SMARCA5: variants seen among roughly 807,000 people sequenced by gnomAD.
SMARCA5 encodes the protein SNF2 related chromatin remodeling ATPase 5.
In SMARCA5, 18 loss-of-function variants were observed where a neutral mutation model predicts 140.4. The observed-to-expected ratio is 0.13, with a 90% CI of 0.09 to 0.19. SMARCA5 has a LOEUF of 0.19. Among genes scored for constraint, SMARCA5 ranks in the 10% least tolerant of loss-of-function variants. SMARCA5 has a pLI of 1.00. For synonymous variants in SMARCA5, 449 were observed against 419.6 expected (o/e 1.07, Z -0.86); for missense variants, 606 against 1,276.8 (o/e 0.47, Z 8.01).
chr4:143,550,225 C>CA, intron 23 of SMARCA5, 121 bp downstream of exon 23: 1 of 214,664 alleles, frequency 4.7e-6, no homozygotes, highest in Non-Finnish European at 8.3e-6. Context: ...ATTGCCTTTA[C>CA]TTTTTTTTTT....
chr4:143,516,936 G>A (rs1028359242), intron 1 of SMARCA5, among the ~76,000 whole-genome samples: 4 of 152,110 alleles, frequency 2.6e-5, no homozygotes, highest in African/African-American at 9.7e-5. Flanking sequence ...GACTAATTCT[G>A]ATTTCTTTGT....
chr4:143,536,405 G>T, intron 10 of SMARCA5, 47 bp from the exon 11 acceptor site: 1 of 1,323,804 alleles, frequency 7.6e-7, no homozygotes, highest in South Asian at 1.2e-5. Context: ...GGCAGGGATT[G>T]ATCAAGGAAC....
intron 20 of SMARCA5, among the ~76,000 whole-genome samples, 169 bp downstream of exon 20, chr4:143,547,077 G>C (rs1737539549): frequency 6.6e-6 from 1 of 152,112 alleles, no homozygotes; most frequent in African/African-American, 2.4e-5. Flanking sequence ...ATGGCGTAAT[G>C]GTTTCCTTTT....
At chr4:143,541,234 G>A (rs1054327649) in intron 14 of SMARCA5, among the ~76,000 whole-genome samples, 1 of 152,154 alleles carries the variant, frequency 6.6e-6, no homozygotes, top group African/African-American at 2.4e-5. Flanking sequence ...TTCAAGAAAA[G>A]GGGTGGGAAA....
Position 143,554,967 on chromosome 4 carries a change from G to A in SMARCA5, c.*1783G>A. On this transcript the variant is annotated 3_prime_UTR_variant, in exon 24 of 24. Transcript: ENST00000283131. ...TCACTTGAAAAAAAAGCATGAACCA[G>A]CTAGGCCCTGCCACCACTGTGTTTG... The A allele has an allele frequency of 2.3e-6, 1 of 432,000 alleles. No individual in the cohort carries two copies. Among genetic ancestry groups the A allele is most frequent in the South Asian group, 1.9e-5 (1 of 51,796 alleles). The allele number at this position is 432,000 out of a possible 1,614,324, so 26.8% of individuals were successfully genotyped here.
In SMARCA5 at chr4:143,543,927, A is replaced by C. The variant is rs905599049; in HGVS notation, c.2127A>C (p.Ser709=). The C allele has an allele frequency of 4.7e-5, 75 of 1,605,994 alleles. No individual in the cohort carries two copies. Among genetic ancestry groups the C allele is most frequent in the Non-Finnish European group, 5.8e-5 (68 of 1,176,210 alleles). Residue 709 remains serine (S), a synonymous_variant, in exon 16 of 24, where the codon TCA becomes TCC. Transcript: ENST00000283131. ...SLRNFTMDTE[S]SVYNFEGEDY... ...GAAACTTTACAATGGATACAGAGTC[A>C]AGTGTTTATAACTTCGAAGGAGAAG...
chr4:143,517,313 A>G (rs1377478754), intron 1 of SMARCA5, 42 bp from the exon 2 acceptor site: 4 of 1,456,626 alleles, frequency 2.7e-6, no homozygotes, highest in Non-Finnish European at 2.8e-6. Context: ...TATGTTTACT[A>G]TTTTCGAAGA....
In SMARCA5 at chr4:143,549,982, T is replaced by G; in HGVS notation, c.2986-15T>G. 7.0e-7 allele frequency: 1 copy of G among 1,430,706 alleles called. No homozygotes were observed. Among genetic ancestry groups the G allele is most frequent in the Non-Finnish European group, 9.8e-7 (1 of 1,019,730 alleles). 88.6% of individuals were successfully genotyped at this position (1,430,706 alleles called of 1,614,324 possible). A position where few individuals can be genotyped will look rare whatever the true frequency, so the allele number is the denominator to read the frequency against. ...TGGATGGAAAGTGCGTGTACCATGT[T>G]TGTTTATAATTTAGGAGCTCCAGAG... On this transcript the variant is annotated splice_polypyrimidine_tract_variant and intron_variant, in intron 22 of 23. Transcript: ENST00000283131.
chr4:143,519,801 A>T (rs1026981177), intron 2 of SMARCA5, among the ~76,000 whole-genome samples: 1 of 152,096 alleles, frequency 6.6e-6, no homozygotes, highest in African/African-American at 2.4e-5. Context: ...GACCTTGAGT[A>T]TTTATTGCCT....
chr4:143,543,395 A>G (rs1737467828), intron 14 of SMARCA5, 114 bp from the exon 15 acceptor site: 2 of 874,620 alleles, frequency 2.3e-6, no homozygotes. Flanking sequence ...GTAAACAGAA[A>G]TGATTGACAT....
At chr4:143,517,518 T>A in intron 2 of SMARCA5, 89 bp downstream of exon 2, 1 of 732,064 alleles carries the variant, frequency 1.4e-6, no homozygotes, top group Non-Finnish European at 2.2e-6. Flanking sequence ...GTCCATTTTG[T>A]GTTACAACAA....
chr4:143,545,018 C>T (rs1006614685), intron 17 of SMARCA5, among the ~76,000 whole-genome samples, 171 bp downstream of exon 17: 4 of 146,164 alleles, frequency 2.7e-5, no homozygotes, highest in African/African-American at 1.0e-4. Context: ...TCTCAGCTCA[C>T]TGCAACCTCC....
intron 16 of SMARCA5, 78 bp from the exon 17 acceptor site, chr4:143,544,659 T>G: frequency 1.2e-6 from 1 of 829,720 alleles, no homozygotes; most frequent in Non-Finnish European, 2.0e-6. Context: ...TCTTTACATT[T>G]ACAAACATCC....
At position 143,526,412 on chromosome 4, in the gene SMARCA5, G is replaced by T; in HGVS notation, c.753G>T (p.Trp251Cys). 6.2e-7 allele frequency: 1 copy of T among 1,613,274 alleles called. No individual in the cohort carries two copies. ...LHNWMSEFKR[W>C]VPTLRSVCLI... ...ACTGGATGAGTGAATTCAAGAGATG[G>T]GTACCAACACTTAGATCTGTTTGTT... The change falls in exon 6 of 24, where the codon TGG becomes TGT. Residue 251 changes from tryptophan to cysteine, a missense_variant. By Grantham distance (215) the Trp-to-Cys change is radical. Around this residue, in one of 10 missense-constraint regions of SMARCA5, gnomAD observed 110 missense variants for 287.7 expected, o/e 0.38. Coordinates refer to ENST00000283131, the MANE Select transcript of SMARCA5 (RefSeq NM_003601.4).
At chr4:143,552,640 C>G (rs1182287542) in intron 23 of SMARCA5, among the ~76,000 whole-genome samples, 1 of 151,910 alleles carries the variant, frequency 6.6e-6, no homozygotes, top group Non-Finnish European at 1.5e-5. Flanking sequence ...TACTGTTAGT[C>G]TCTAAGCTTT....
At position 143,526,472 on chromosome 4, in the gene SMARCA5, G is replaced by T. The variant is rs749076591; in HGVS notation, c.801+12G>T. The T allele has an allele frequency of 6.3e-7, 1 of 1,580,364 alleles. No individual in the cohort carries two copies. The highest frequency in any genetic ancestry group is 1.4e-5 in the African/African-American group (1 of 73,732). On this transcript the variant is annotated intron_variant, in intron 6 of 23. Coordinates refer to ENST00000283131, the MANE Select transcript of SMARCA5 (RefSeq NM_003601.4). ...ATAAAGAACAAAGAGTAAGTTTCTA[G>T]TATTTCATTACATTTTTGAGGCTAA...
chr4:143,551,702 A>G (rs1392360746), intron 23 of SMARCA5, among the ~76,000 whole-genome samples: 2 of 151,918 alleles, frequency 1.3e-5, no homozygotes, highest in African/African-American at 4.8e-5. Flanking sequence ...AATGAGTTCC[A>G]TGTAGATGTA....
At chr4:143,543,823 A>G (rs781053801) in intron 15 of SMARCA5, 30 bp from the exon 16 acceptor site, 1 of 1,578,438 alleles carries the variant, frequency 6.3e-7, no homozygotes. Flanking sequence ...TTTGCTGTGA[A>G]TCTAAGAAGC....
intron 19 of SMARCA5, 56 bp downstream of exon 19, chr4:143,546,103 T>C (rs1214200311): frequency 7.4e-7 from 1 of 1,349,574 alleles, no homozygotes; most frequent in Non-Finnish European, 1.0e-6. Context: ...AGGACTGTGT[T>C]AGGTTATGTT....
Sources: gnomAD v4.1 joint callset for allele counts (sites outside exome capture counted in the v4.1 genomes callset) on GRCh38, gnomAD v4.1.1 for gene constraint, gnomAD v4.1.1 regional missense constraint, MANE v1.5 for transcripts, NCBI Gene and HGNC (gene_info 2026-07-23, HGNC 2026-07-21) for gene names.